ADCY7: variants seen among roughly 807,000 people sequenced by gnomAD.
ADCY7 encodes the protein adenylate cyclase 7.
ADCY7 carries 72 observed loss-of-function variants against 120.6 expected under a neutral mutation model. The ratio of observed to expected loss-of-function variants is 0.60; its 90% CI spans 0.49 to 0.73. The LOEUF is 0.73. Among genes scored for constraint, ADCY7 ranks in the 30% least tolerant of loss-of-function variants. The probability of loss-of-function intolerance (pLI) is 0.00; values close to 1 mark genes in which losing one functional copy is unlikely to be tolerated. For missense variants in ADCY7, 1,227 were observed against 1,486.0 expected (o/e 0.83, Z 2.87); for synonymous variants, 661 against 628.0 (o/e 1.05, Z -0.78).
chr16:50,272,848 C>T (rs567649106), intron 1 of ADCY7, among the ~76,000 whole-genome samples: 299 of 152,272 alleles, frequency 2.0e-3, no homozygotes, highest in Non-Finnish European at 2.9e-3. Context: ...AGGAGGAGCC[C>T]TTTTAAGCTG....
intron 1 of ADCY7, among the ~76,000 whole-genome samples, chr16:50,249,389 G>A (rs1305265661): frequency 1.3e-5 from 2 of 152,140 alleles, no homozygotes; most frequent in Non-Finnish European, 2.9e-5. Flanking sequence ...GCAGTGAGCC[G>A]AGTTAGCGCC....
chr16:50,291,999 C>T, intron 4 of ADCY7, 102 bp downstream of exon 4: 2 of 1,334,114 alleles, frequency 1.5e-6, no homozygotes, highest in Non-Finnish European at 1.0e-6. Flanking sequence ...GGCCCCGGAG[C>T]CGTGTTTGCA....
At chr16:50,249,610 C>T (rs1356186827) in intron 1 of ADCY7, among the ~76,000 whole-genome samples, 2 of 152,182 alleles carry the variant, frequency 1.3e-5, no homozygotes, top group South Asian at 2.1e-4. Flanking sequence ...ATTTGGGCCT[C>T]GACTATACTG....
intron 1 of ADCY7, among the ~76,000 whole-genome samples, chr16:50,276,521 T>C (rs1043404075): frequency 6.6e-6 from 1 of 152,240 alleles, no homozygotes; most frequent in Non-Finnish European, 1.5e-5. Context: ...GGACTGTTAT[T>C]CTCCTTTTGT....
chr16:50,263,757 C>T (rs970214479), upstream of ADCY7, among the ~76,000 whole-genome samples: 2 of 151,958 alleles, frequency 1.3e-5, no homozygotes, highest in African/African-American at 4.8e-5. Flanking sequence ...CCTGCCATTC[C>T]CCTGGACTTG....
intron 21 of ADCY7, among the ~76,000 whole-genome samples, 178 bp downstream of exon 21, chr16:50,312,369 G>A (rs1252232466): frequency 6.6e-6 from 1 of 152,200 alleles, no homozygotes; most frequent in African/African-American, 2.4e-5. Context: ...CCTGGGGTCA[G>A]GGACCTGGGC....
rs74525041 is a variant in ADCY7 at position 50,305,049 on chromosome 16, C to T, written c.1595+90C>T. The stretch of plus-strand genomic sequence containing the variant: ...GCAGCCTCTGTCCAGTGGGCAGCTC[C>T]GCAAGGCCCAGCCCAGGACCTCTGT... On this transcript the variant is annotated intron_variant, in intron 12 of 25. Transcript: ENST00000673801. The T allele has an allele frequency of 2.1e-3, 3,233 of 1,517,350 alleles. 55 individuals are homozygous for T. The African/African-American group carries it at 0.033, about 16-fold the overall frequency. 94.0% of individuals were successfully genotyped at this position (1,517,350 alleles called of 1,614,324 possible).
rs1018638204 is a variant in ADCY7 at position 50,295,520 on chromosome 16, A to C, written c.948+769A>C. Among the ~76,000 whole-genome samples the C allele has an allele frequency of 2.0e-5, 3 of 151,894 alleles. No individual in the cohort carries two copies. In the South Asian group the frequency reaches 6.3e-4, roughly 32 times the overall value. On this transcript the variant is annotated intron_variant, in intron 7 of 25. Coordinates refer to ENST00000673801, the MANE Select transcript of ADCY7 (RefSeq NM_001114.5). The stretch of plus-strand genomic sequence containing the variant: ...ACCTTAAAGTCTGAGATACTTGAAA[A>C]AATATCTGAGGAGGAAAGGGAACAG...
intron 1 of ADCY7, among the ~76,000 whole-genome samples, chr16:50,250,814 G>A (rs1404679150): frequency 6.6e-6 from 1 of 152,146 alleles, no homozygotes; most frequent in African/African-American, 2.4e-5. Context: ...GAGGCACAGG[G>A]TAAATGTATA....
At chr16:50,294,902 G>A (rs1480334778) in intron 7 of ADCY7, 151 bp downstream of exon 7, 6 of 606,102 alleles carry the variant, frequency 9.9e-6, no homozygotes, top group Admixed American at 2.7e-5. Flanking sequence ...GCGCCCCATG[G>A]TAAAGGTGGG....
Position 50,288,088 on chromosome 16 carries a change from G to A in ADCY7, c.-92G>A, listed in dbSNP as rs148243317. On this transcript the variant is annotated 5_prime_UTR_variant, in exon 2 of 26. Coordinates refer to ENST00000673801, the MANE Select transcript of ADCY7 (RefSeq NM_001114.5). ...TGCCTCGGAGAGGACAGAGGCCTAGGCCCACGGGGGAGGGTGTTGGCAGAC... is the reference window on the plus strand; with the variant it reads ...TGCCTCGGAGAGGACAGAGGCCTAGACCCACGGGGGAGGGTGTTGGCAGAC... 10 of 1,433,360 alleles carry A rather than the reference G, an allele frequency of 7.0e-6. No individual in the cohort carries two copies. Among genetic ancestry groups the A allele is most frequent in the Middle Eastern group, 1.9e-4 (1 of 5,242 alleles). The allele number at this position is 1,433,360 out of a possible 1,614,324, so 88.8% of individuals were successfully genotyped here.
At chr16:50,278,601 G>T (rs902218189) in intron 1 of ADCY7, among the ~76,000 whole-genome samples, 1 of 152,106 alleles carries the variant, frequency 6.6e-6, no homozygotes, top group East Asian at 1.9e-4. Context: ...CTTCTTTATG[G>T]CTTTTGGGTT....
intron 1 of ADCY7, among the ~76,000 whole-genome samples, chr16:50,272,685 C>T (rs1439611470): frequency 2.0e-5 from 3 of 152,140 alleles, no homozygotes; most frequent in African/African-American, 7.2e-5. Context: ...TGCTGCTGTT[C>T]TTGGGAGTCT....
At chr16:50,255,860 T>C (rs753185642) in intron 1 of ADCY7, among the ~76,000 whole-genome samples, 12 of 152,138 alleles carry the variant, frequency 7.9e-5, no homozygotes, top group Non-Finnish European at 1.5e-4. Flanking sequence ...CTTCAATAAA[T>C]GGTGTTGAGA....
rs377264406 is a variant in ADCY7, at chr16:50,307,159, G to A, written c.1850+12G>A. 50 of 1,609,452 alleles carry A rather than the reference G, an allele frequency of 3.1e-5. 1 individual carries two copies. The African/African-American group carries it at 6.4e-4, about 21-fold the overall frequency. On this transcript the variant is annotated intron_variant, in intron 15 of 25. Coordinates refer to ENST00000673801, the MANE Select transcript of ADCY7 (RefSeq NM_001114.5). Reference sequence around the variant, plus strand: ...CTGCTCATGCCCAGGTCAGTTGCAGGGAGGGGTGTGGGGGTCCGGCCTGCT... The same window carrying A: ...CTGCTCATGCCCAGGTCAGTTGCAGAGAGGGGTGTGGGGGTCCGGCCTGCT...
chr16:50,292,613 T>C, intron 4 of ADCY7, 63 bp from the exon 5 acceptor site: 1 of 1,583,064 alleles, frequency 6.3e-7, no homozygotes, highest in Non-Finnish European at 8.6e-7. Context: ...CGCCTAGGGG[T>C]CTGGTGCCTC....
intron 16 of ADCY7, 123 bp from the exon 17 acceptor site, chr16:50,308,544 C>T (rs374420388): frequency 2.9e-5 from 45 of 1,551,534 alleles, no homozygotes; most frequent in Middle Eastern, 2.3e-4. Context: ...TCTCCTGCCT[C>T]GGGGACAATT....
chr16:50,312,351 A>G (rs892144758), intron 21 of ADCY7, among the ~76,000 whole-genome samples, 160 bp downstream of exon 21: 2 of 152,054 alleles, frequency 1.3e-5, no homozygotes, highest in Non-Finnish European at 2.9e-5. Context: ...CAGCTGTGAG[A>G]GCATGGGCCT....
Position 50,314,032 on chromosome 16 carries a change from G to A in ADCY7, c.2826G>A (p.Gly942=). 4.3e-6 allele frequency: 7 copies of A among 1,614,132 alleles called. No homozygotes were observed. The highest frequency in any genetic ancestry group is 2.2e-5 in the East Asian group (1 of 44,884). ...GCAGCACGTACATGGCAGCTGCAGG[G>A]CTCAGCGTCGCCTCAGGGCACGAGA... ...TIGSTYMAAA[G]LSVASGHENQ... is the part of the protein sequence containing the mutation. The change falls in exon 23 of 26, where the codon GGG becomes GGA. Residue 942 remains glycine, a synonymous_variant. Transcript: ENST00000673801.
Sources: gnomAD v4.1 joint callset for allele counts (sites outside exome capture counted in the v4.1 genomes callset) on GRCh38, gnomAD v4.1.1 for gene constraint, MANE v1.5 for transcripts, NCBI Gene and HGNC (gene_info 2026-07-23, HGNC 2026-07-21) for gene names.